Variants in CCND3 observed in about 807,000 individuals in gnomAD.
CCND3 encodes the protein cyclin D3, also known as G1/S-specific cyclin-D3.
CCND3 carries 9 observed loss-of-function variants against 28.7 expected under a neutral mutation model. That is an observed-to-expected ratio of 0.31 (90% CI 0.19 to 0.55). CCND3 has a LOEUF of 0.55. CCND3 is among the 20% of genes least tolerant of loss of function. The pLI is 0.93. For synonymous variants in CCND3, 164 were observed against 163.9 expected (o/e 1.00, Z 0.00); for missense variants, 315 against 385.8 (o/e 0.82, Z 1.54).
intron 1 of CCND3, among the ~76,000 whole-genome samples, chr6:41,950,140 T>G (rs1002145186): frequency 4.6e-5 from 7 of 152,008 alleles, no homozygotes; most frequent in Non-Finnish European, 8.8e-5. Flanking sequence ...ATTTGCTTTT[T>G]CTTCCTTTTT....
At chr6:41,988,940 C>T (rs1762572491) in intron 1 of CCND3, among the ~76,000 whole-genome samples, 1 of 151,566 alleles carries the variant, frequency 6.6e-6, no homozygotes, top group Non-Finnish European at 1.5e-5. Context: ...ACCTCATGAT[C>T]CGCCCGCCTC....
chr6:42,009,489 G>A (rs1763274897), intron 1 of CCND3, among the ~76,000 whole-genome samples: 1 of 152,186 alleles, frequency 6.6e-6, no homozygotes, highest in South Asian at 2.1e-4. Flanking sequence ...GCGGATGCCT[G>A]TAATCCCAGC....
intron 1 of CCND3, among the ~76,000 whole-genome samples, chr6:42,015,227 A>C (rs1305499850): frequency 6.6e-6 from 1 of 152,002 alleles, no homozygotes; most frequent in East Asian, 1.9e-4. Context: ...GACACCCTTA[A>C]CCACTCTGCC....
intron 1 of CCND3, among the ~76,000 whole-genome samples, chr6:41,954,112 G>A (rs1375094918): frequency 4.0e-5 from 6 of 150,934 alleles, no homozygotes; most frequent in Non-Finnish European, 3.0e-5. Flanking sequence ...TTAGCCCAGT[G>A]TGGTGGTGTG....
At chr6:41,988,042 A>G (rs983368688) in intron 1 of CCND3, among the ~76,000 whole-genome samples, 23 of 151,902 alleles carry the variant, frequency 1.5e-4, no homozygotes, top group Admixed American at 1.1e-3. Context: ...CAGACCAGGC[A>G]CGGTGGCTTA....
At chr6:41,954,263 A>AAAAAAAAAAAAAAAAAAAAC (rs1776385503) in intron 1 of CCND3, among the ~76,000 whole-genome samples, 1 of 137,444 alleles carries the variant, frequency 7.3e-6, no homozygotes, top group Non-Finnish European at 1.6e-5. Context: ...AAAAAAAAAA[A>AAAAAAAAAAAAAAAAAAAAC]AAAAAAAAAA....
At chr6:42,009,786 G>A (rs1284841748) in intron 1 of CCND3, among the ~76,000 whole-genome samples, 2 of 152,102 alleles carry the variant, frequency 1.3e-5, no homozygotes, top group Non-Finnish European at 2.9e-5. Context: ...CAGCCTAGGT[G>A]ATAGAGCGAG....
Position 42,007,472 on chromosome 6 carries a change from C to T in CCND3, c.-46+41029G>A, listed in dbSNP as rs1307108346. Among the ~76,000 whole-genome samples the T allele has an allele frequency of 2.0e-5, 3 of 152,108 alleles. No individual in the cohort carries two copies. The East Asian group carries it at 5.8e-4, about 29-fold the overall frequency. On this transcript the variant is annotated intron_variant, in intron 1 of 4. Transcript: ENST00000372988. ...CTGATAGCACTGACCTTTAAACGGGCAATTTTTAAAGACTGGCAGGAGGCG... is the reference window on the plus strand; with the variant it reads ...CTGATAGCACTGACCTTTAAACGGGTAATTTTTAAAGACTGGCAGGAGGCG...
rs1439768511 is a variant in CCND3 at position 41,941,558 on chromosome 6, A to T, written c.92T>A (p.Leu31Gln). 1.9e-6 allele frequency: 3 copies of T among 1,586,426 alleles called. No homozygotes were observed. Among genetic ancestry groups the T allele is most frequent in the Non-Finnish European group, 2.6e-6 (3 of 1,168,836 alleles). Residue 31 changes from leucine to glutamine, a missense_variant, in exon 1 of 5, where the codon CTG (leucine) becomes CAG (glutamine). By Grantham distance (113) the Leu-to-Gln change is moderately radical. Transcript: ENST00000372991. The surrounding 1 kb of genome is among the most constrained non-coding windows in gnomAD (Gnocchi z 6.1). The part of the protein sequence containing the change: ...LLGDQRVLQS[L>Q]LRLEERYVPR... ...TACGTAGCGCTCCTCCAGGCGGAGC[A>T]GGCTCTGCAGGACACGCTGGTCCCC... is the stretch of plus-strand genomic sequence containing the variant.
intron 1 of CCND3, among the ~76,000 whole-genome samples, chr6:42,002,599 TC>T (rs924698317): frequency 7.2e-5 from 11 of 152,136 alleles, no homozygotes; most frequent in African/African-American, 2.7e-4. Flanking sequence ...ACGCCTGTAA[TC>T]CCAGCACTTT....
At position 41,936,219 on chromosome 6, in the gene CCND3, ACAGCCCGGCCC is replaced by A; in HGVS notation, c.712-123_712-113del. 1 of 1,190,666 alleles carries A rather than the reference ACAGCCCGGCCC, an allele frequency of 8.4e-7. No homozygotes were observed. Among genetic ancestry groups the A allele is most frequent in the Non-Finnish European group, 1.2e-6 (1 of 857,634 alleles). The allele number at this position is 1,190,666 out of a possible 1,614,324, so 73.8% of individuals were successfully genotyped here. On this transcript the variant is annotated intron_variant, in intron 4 of 4. Transcript: ENST00000372991. This position sits in a 1 kb window ranked among gnomAD's most constrained non-coding sequence, Gnocchi z 4.4. ...TGGGGAAGTCTGGGGAGGTTAGGCC[ACAGCCCGGCCC>A]CAGGAATCGCTCTTTAGTTCTCAGA...
chr6:42,012,027 T>A (rs1763358617), intron 1 of CCND3, among the ~76,000 whole-genome samples: 1 of 152,194 alleles, frequency 6.6e-6, no homozygotes, highest in South Asian at 2.1e-4. Flanking sequence ...CCCAGCTGCA[T>A]TAGCTCATTT....
At chr6:42,040,140 G>A (rs1454510348) in intron 1 of CCND3, among the ~76,000 whole-genome samples, 3 of 152,170 alleles carry the variant, frequency 2.0e-5, no homozygotes, top group South Asian at 2.1e-4. Flanking sequence ...AGTCTGAACC[G>A]GGCACAGTGG....
rs1231639248 is a variant in CCND3, at chr6:42,044,957, G to GT, written c.-46+3543dup. ...GCCCGTGCGACCACGCCCGGCTAAC[G>GT]TTTTTTTTTTTTTTTTTTTTGTATT... On this transcript the variant is annotated intron_variant, in intron 1 of 4. Transcript: ENST00000372988. Among the ~76,000 whole-genome samples, 115 of 47,160 alleles carry GT rather than the reference G, an allele frequency of 2.4e-3. 1 individual carries two copies. Among genetic ancestry groups the GT allele is most frequent in the African/African-American group, 6.4e-3 (114 of 17,850 alleles). 30.9% of individuals were successfully genotyped at this position (47,160 alleles called of 152,430 possible). A position where few individuals can be genotyped will look rare whatever the true frequency, so the allele number is the denominator to read the frequency against.
chr6:41,937,076 G>A, intron 3 of CCND3, 159 bp downstream of exon 3: 1 of 768,946 alleles, frequency 1.3e-6, no homozygotes, highest in East Asian at 2.7e-5. Flanking sequence ...CCATATAGCT[G>A]ATTATAACCT....
chr6:41,936,169 C>G lies in CCND3; in HGVS notation c.712-62G>C, dbSNP rs2127389991. 2 of 1,505,348 alleles carry G rather than the reference C, an allele frequency of 1.3e-6. No individual in the cohort carries two copies. The highest frequency in any genetic ancestry group is 1.8e-6 in the Non-Finnish European group (2 of 1,123,164). 93.2% of individuals were successfully genotyped at this position (1,505,348 alleles called of 1,614,324 possible). ...CCCCCATAGCATCTGGCAGCAGGTGCAGGGGAAGGACAGCTCCCAACACAT... is the reference window on the plus strand; with the variant it reads ...CCCCCATAGCATCTGGCAGCAGGTGGAGGGGAAGGACAGCTCCCAACACAT... On this transcript the variant is annotated intron_variant, in intron 4 of 4. Coordinates refer to ENST00000372991, the MANE Select transcript of CCND3 (RefSeq NM_001760.5). This position sits in a 1 kb window ranked among gnomAD's most constrained non-coding sequence, Gnocchi z 4.4.
intron 1 of CCND3, among the ~76,000 whole-genome samples, chr6:42,025,074 TA>T (rs1345030616): frequency 6.6e-6 from 1 of 151,820 alleles, no homozygotes; most frequent in Non-Finnish European, 1.5e-5. Flanking sequence ...TAAAGTCAAA[TA>T]AAATAAAATA....
At position 41,935,935 on chromosome 6, in the gene CCND3, C is replaced by T. The variant is rs1216564413; in HGVS notation, c.*5G>A. ...TAGTGGCCACTCCAGAGGGCCTCTC[C>T]AGGGCTACAGGTGTATGGCTGTGAC... On this transcript the variant is annotated 3_prime_UTR_variant, in exon 5 of 5. Coordinates refer to ENST00000372991, the MANE Select transcript of CCND3 (RefSeq NM_001760.5). 13 of 1,606,380 alleles carry T rather than the reference C, an allele frequency of 8.1e-6. No homozygotes were observed. Among genetic ancestry groups the T allele is most frequent in the South Asian group, 1.1e-5 (1 of 89,826 alleles).
At position 41,939,243 on chromosome 6, in the gene CCND3, A is replaced by C. The variant is rs1012397363; in HGVS notation, c.414+1127T>G. 6.6e-6 allele frequency among the ~76,000 whole-genome samples: 1 copy of C among 152,084 alleles called. No homozygotes were observed. The highest frequency in any genetic ancestry group is 2.4e-5 in the African/African-American group (1 of 41,418). ...TCGACTCACAGCAGTCGGGGGCCCC[A>C]GTACCCTGGCTTCCCTGCCAGCCAA... On this transcript the variant is annotated intron_variant, in intron 2 of 4. Transcript: ENST00000372991. This position sits in a 1 kb window ranked among gnomAD's most constrained non-coding sequence, Gnocchi z 4.2.
Sources: allele counts gnomAD v4.1 joint callset (sites outside exome capture counted in the v4.1 genomes callset), GRCh38; gene constraint gnomAD v4.1.1; non-coding constraint Gnocchi (gnomAD v3.1); transcripts MANE v1.5; gene names NCBI Gene and HGNC (gene_info 2026-07-23, HGNC 2026-07-21).